CDH13: variants seen among roughly 807,000 people sequenced by gnomAD.
The protein encoded by CDH13 is cadherin-13.
In CDH13, 24 loss-of-function variants were observed where a neutral mutation model predicts 63.8. The ratio of observed to expected loss-of-function variants is 0.38; its 90% CI spans 0.27 to 0.53. The LOEUF (loss-of-function observed/expected upper bound fraction) is 0.53, where lower values mean the gene tolerates loss of function less well. CDH13 is among the 20% of genes least tolerant of loss of function. CDH13 has a pLI of 0.85. For missense variants in CDH13, 1,049 were observed against 903.1 expected (o/e 1.16, Z -2.07); for synonymous variants, 503 against 355.3 (o/e 1.42, Z -4.67).
chr16:82,984,216 A>C (rs1393574391), intron 2 of CDH13, among the ~76,000 whole-genome samples: 2 of 152,232 alleles, frequency 1.3e-5, no homozygotes, highest in Admixed American at 6.5e-5. Flanking sequence ...TTCCCTTGCA[A>C]TTGAATTAGC....
chr16:83,031,435 G>A (rs1407788236), intron 2 of CDH13, among the ~76,000 whole-genome samples: 24 of 145,838 alleles, frequency 1.6e-4, no homozygotes, highest in East Asian at 4.2e-4. Flanking sequence ...GTATATACAT[G>A]TACATGTATA....
chr16:82,946,191 G>A (rs1299053886), intron 2 of CDH13, among the ~76,000 whole-genome samples: 2 of 151,302 alleles, frequency 1.3e-5, no homozygotes, highest in Admixed American at 6.6e-5. Context: ...TGACTAGATG[G>A]ATGGATGGAT....
At chr16:83,320,406 G>A (rs917209278) in intron 5 of CDH13, among the ~76,000 whole-genome samples, 2 of 152,136 alleles carry the variant, frequency 1.3e-5, no homozygotes, top group African/African-American at 4.8e-5. Context: ...GACCAATCTA[G>A]GAAAAGTATA....
At chr16:83,426,627 G>A (rs979187036) in intron 6 of CDH13, among the ~76,000 whole-genome samples, 2 of 151,942 alleles carry the variant, frequency 1.3e-5, no homozygotes, top group Non-Finnish European at 2.9e-5. Flanking sequence ...CTGGAAGAGG[G>A]GAATCCAACA....
In CDH13 at chr16:83,074,323, G is replaced by A. The variant is rs186368857; in HGVS notation, c.366+42105G>A. On this transcript the variant is annotated intron_variant, in intron 3 of 13. Transcript: ENST00000567109. ...AGGTTGCAGCAAATAATATGATTTC[G>A]TTCTTTTTTATAGCCAAATAGTATT... Among the ~76,000 whole-genome samples, 210 of 152,138 alleles carry A rather than the reference G, an allele frequency of 1.4e-3. 2 individuals are homozygous for A. Among genetic ancestry groups the A allele is most frequent in the South Asian group, 9.6e-3 (46 of 4,814 alleles).
In CDH13 at chr16:83,047,010, C is replaced by T. The variant is rs1277857788; in HGVS notation, c.366+14792C>T. 6.6e-6 allele frequency among the ~76,000 whole-genome samples: 1 copy of T among 152,212 alleles called. No individual in the cohort carries two copies. Among genetic ancestry groups the T allele is most frequent in the Non-Finnish European group, 1.5e-5 (1 of 68,040 alleles). ...GTTTCCTCAACTGTCTATCTTTCTG[C>T]AGCAAATCCTTTGACAGAGAATGTG... On this transcript the variant is annotated intron_variant, in intron 3 of 13. Coordinates refer to ENST00000567109, the MANE Select transcript of CDH13 (RefSeq NM_001257.5). The surrounding 1 kb of genome is among the most constrained non-coding windows in gnomAD (Gnocchi z 4.9).
chr16:83,400,785 G>T (rs183609006), intron 6 of CDH13, among the ~76,000 whole-genome samples: 19 of 152,260 alleles, frequency 1.2e-4, no homozygotes, highest in Admixed American at 1.2e-3. Context: ...TGGCCCAGTT[G>T]CTGCCCTTGT....
chr16:82,908,950 A>G (rs1164925688), intron 2 of CDH13, among the ~76,000 whole-genome samples: 2 of 152,120 alleles, frequency 1.3e-5, no homozygotes, highest in Non-Finnish European at 2.9e-5. Flanking sequence ...ACTTTTTCAT[A>G]CACAAGGGTT....
At chr16:83,409,064 T>A (rs1434659113) in intron 6 of CDH13, among the ~76,000 whole-genome samples, 1 of 151,982 alleles carries the variant, frequency 6.6e-6, no homozygotes, top group East Asian at 1.9e-4. Flanking sequence ...AGAAATCAAG[T>A]CAAAATTGGT....
At chr16:83,566,193 A>G (rs1051408182) in intron 7 of CDH13, among the ~76,000 whole-genome samples, 2 of 152,072 alleles carry the variant, frequency 1.3e-5, no homozygotes, top group African/African-American at 4.8e-5. Flanking sequence ...GCATTGGATA[A>G]TGGCAGCCCA....
chr16:83,648,992 G>C (rs1282218589), intron 8 of CDH13, among the ~76,000 whole-genome samples: 3 of 152,206 alleles, frequency 2.0e-5, no homozygotes, highest in Non-Finnish European at 4.4e-5. Flanking sequence ...TCCCACTGGG[G>C]AACTGTGGCA....
intron 5 of CDH13, among the ~76,000 whole-genome samples, chr16:83,335,906 C>T (rs1021705281): frequency 1.3e-5 from 2 of 152,052 alleles, no homozygotes; most frequent in African/African-American, 2.4e-5. Context: ...GGAATCTTGC[C>T]GATGCCCCCG....
In CDH13 at chr16:83,097,763, A is replaced by T. The variant is rs189256519; in HGVS notation, c.367-27622A>T. On this transcript the variant is annotated intron_variant, in intron 3 of 13. Transcript: ENST00000567109. ...CAACTAGTTGCATTTGATCTAAAGTAGATGATTCCAGTACAAAAAGGAAAT... is the reference window on the plus strand; with the variant it reads ...CAACTAGTTGCATTTGATCTAAAGTTGATGATTCCAGTACAAAAAGGAAAT... 3.3e-4 allele frequency among the ~76,000 whole-genome samples: 51 copies of T among 152,356 alleles called. 1 individual carries two copies. In the East Asian group the frequency reaches 9.3e-3, roughly 28 times the overall value.
At chr16:83,315,812 C>G (rs2090093638) in intron 5 of CDH13, among the ~76,000 whole-genome samples, 1 of 151,670 alleles carries the variant, frequency 6.6e-6, no homozygotes, top group South Asian at 2.1e-4. Context: ...AATGTTCTTT[C>G]AGTTCATTTG....
chr16:83,583,975 T>C (rs1398182324), intron 7 of CDH13, among the ~76,000 whole-genome samples: 1 of 152,078 alleles, frequency 6.6e-6, no homozygotes, highest in Non-Finnish European at 1.5e-5. Context: ...TGTATCCTTA[T>C]TTTGGCTTAA....
At chr16:82,636,210 T>C (rs957335358) in intron 1 of CDH13, among the ~76,000 whole-genome samples, 7 of 152,120 alleles carry the variant, frequency 4.6e-5, no homozygotes, top group Admixed American at 4.6e-4. Context: ...GAGTTCTGAC[T>C]CTTCCAATTG....
rs189049560 is a variant in CDH13, at chr16:82,663,263, C to G, written c.45+36126C>G. ...GTGCAATGGCGCGATCTCGGCTCAC[C>G]GCAACCTCTGCCTCCTAGGTTCAAG... On this transcript the variant is annotated intron_variant, in intron 1 of 13. Coordinates refer to ENST00000567109, the MANE Select transcript of CDH13 (RefSeq NM_001257.5). 5.5e-3 allele frequency among the ~76,000 whole-genome samples: 843 copies of G among 152,186 alleles called. 8 individuals carry two copies. The highest frequency in any genetic ancestry group is 0.031 in the Middle Eastern group (9 of 292).
chr16:83,465,515 G>A (rs2073289791), intron 6 of CDH13, among the ~76,000 whole-genome samples: 1 of 152,158 alleles, frequency 6.6e-6, no homozygotes, highest in Non-Finnish European at 1.5e-5. Flanking sequence ...TTATTAAGAT[G>A]GAAATTTTCA....
chr16:82,657,098 T>A (rs2150918676), intron 1 of CDH13, among the ~76,000 whole-genome samples: 1 of 152,196 alleles, frequency 6.6e-6, no homozygotes, highest in Non-Finnish European at 1.5e-5. Flanking sequence ...AGTTCCCCAG[T>A]TTTCATGGGG....
Sources: allele counts gnomAD v4.1 joint callset (sites outside exome capture counted in the v4.1 genomes callset), GRCh38; gene constraint gnomAD v4.1.1; non-coding constraint Gnocchi (gnomAD v3.1); transcripts MANE v1.5; gene names NCBI Gene and HGNC (gene_info 2026-07-23, HGNC 2026-07-21).